Variants in HCLS1 observed in about 807,000 individuals in gnomAD.
HCLS1 encodes hematopoietic lineage cell-specific protein.
Under a neutral mutation model 68.6 loss-of-function variants are expected in HCLS1, and 44 were observed. The ratio of observed to expected loss-of-function variants is 0.64; its 90% CI spans 0.50 to 0.82. HCLS1 has a LOEUF of 0.82. Ranked by LOEUF, HCLS1 falls within the 40% of genes least tolerant of loss-of-function variation. The pLI, the probability that HCLS1 is intolerant of heterozygous loss-of-function variation, is 0.00. For missense variants in HCLS1, 602 were observed against 612.1 expected (o/e 0.98, Z 0.17); for synonymous variants, 217 against 225.8 (o/e 0.96, Z 0.35).
intron 11 of HCLS1, 84 bp downstream of exon 11, chr3:121,632,983 G>T: frequency 2.2e-6 from 2 of 890,118 alleles, no homozygotes; most frequent in Admixed American, 2.2e-5. Flanking sequence ...GGCAAACCAG[G>T]ATGGTTGGCC....
chr3:121,654,346 T>C (rs1428417187), intron 3 of HCLS1: 2 of 152,270 alleles, frequency 1.3e-5, no homozygotes, highest in Non-Finnish European at 2.9e-5. Flanking sequence ...ACTGTGTTTG[T>C]ATTGTCTATG....
intron 1 of HCLS1, 76 bp from the exon 2 acceptor site, chr3:121,658,423 A>C: frequency 9.2e-7 from 1 of 1,092,290 alleles, no homozygotes; most frequent in South Asian, 1.3e-5. Flanking sequence ...TGCTGAAGTC[A>C]AAATATAGCA....
intron 6 of HCLS1, among the ~76,000 whole-genome samples, chr3:121,640,008 A>C (rs2108859903): frequency 6.6e-6 from 1 of 152,310 alleles, no homozygotes; most frequent in East Asian, 1.9e-4. Flanking sequence ...AATAAAATTG[A>C]TAAACTTCTA....
intron 2 of HCLS1, chr3:121,657,937 C>T (rs1576222893): frequency 7.2e-6 from 2 of 278,732 alleles, no homozygotes; most frequent in South Asian, 6.8e-5. Context: ...CTTTTTAATC[C>T]CCCAATTACA....
At chr3:121,637,858 C>T (rs1477620098) in intron 6 of HCLS1, among the ~76,000 whole-genome samples, 1 of 151,632 alleles carries the variant, frequency 6.6e-6, no homozygotes, top group Non-Finnish European at 1.5e-5. Flanking sequence ...GTCACTTGAA[C>T]ATGGGGGGTG....
intron 6 of HCLS1, among the ~76,000 whole-genome samples, chr3:121,639,220 A>G (rs1323157993): frequency 6.6e-6 from 1 of 152,164 alleles, no homozygotes; most frequent in African/African-American, 2.4e-5. Context: ...AACCTAATTG[A>G]CTCTTATACA....
chr3:121,632,942 G>A, intron 11 of HCLS1, 125 bp downstream of exon 11: 1 of 638,720 alleles, frequency 1.6e-6, no homozygotes, highest in Non-Finnish European at 2.8e-6. Flanking sequence ...CAGAAGGCAA[G>A]GTCTTCAGTG....
At chr3:121,655,108 T>C (rs532238663) in intron 3 of HCLS1, among the ~76,000 whole-genome samples, 1 of 152,310 alleles carries the variant, frequency 6.6e-6, no homozygotes, top group African/African-American at 2.4e-5. Flanking sequence ...GTTTATTCTA[T>C]CTGATAGATT....
intron 1 of HCLS1, among the ~76,000 whole-genome samples, chr3:121,658,631 C>T (rs927737807): frequency 3.3e-5 from 5 of 152,132 alleles, no homozygotes; most frequent in African/African-American, 9.7e-5. Context: ...AGGTAACCCA[C>T]GAGTCAAAAT....
At chr3:121,655,374 T>C (rs892460633) in intron 3 of HCLS1, 8 of 151,976 alleles carry the variant, frequency 5.3e-5, no homozygotes, top group Non-Finnish European at 8.8e-5. Context: ...GCATTAGACA[T>C]TGGCTATCCC....
chr3:121,637,814 T>C (rs1022361756), intron 6 of HCLS1, among the ~76,000 whole-genome samples: 10 of 152,110 alleles, frequency 6.6e-5, no homozygotes, highest in Admixed American at 2.0e-4. Flanking sequence ...TGTGCGTCTG[T>C]AGCCCCAGCT....
At chr3:121,633,022 C>A in intron 11 of HCLS1, 45 bp downstream of exon 11, 1 of 1,358,854 alleles carries the variant, frequency 7.4e-7, no homozygotes. Flanking sequence ...TCCTAAGACT[C>A]GAGAAGATGG....
rs192393102 is a variant in HCLS1 at position 121,659,182 on chromosome 3, G to C, written c.1-835C>G. ...AATAAATGTTGCAGAAATATTTAGAGAACCCTAGCTTGGAAGGGTGCCAAA... is the reference window on the plus strand; with the variant it reads ...AATAAATGTTGCAGAAATATTTAGACAACCCTAGCTTGGAAGGGTGCCAAA... On this transcript the variant is annotated intron_variant, in intron 1 of 13. Coordinates refer to ENST00000314583, the MANE Select transcript of HCLS1 (RefSeq NM_005335.6). Among the ~76,000 whole-genome samples the C allele has an allele frequency of 4.6e-5, 7 of 152,300 alleles. No individual in the cohort carries two copies. The East Asian group carries it at 1.3e-3, about 29-fold the overall frequency.
intron 9 of HCLS1, among the ~76,000 whole-genome samples, 174 bp downstream of exon 9, chr3:121,635,561 G>A (rs2049142528): frequency 6.6e-6 from 1 of 152,120 alleles, no homozygotes; most frequent in African/African-American, 2.4e-5. Flanking sequence ...ACAGATGTGA[G>A]CTCCGCCTTA....
In HCLS1 at chr3:121,637,181, T is replaced by C; in HGVS notation, c.530A>G (p.Tyr177Cys). 1 of 1,613,924 alleles carries C rather than the reference T, an allele frequency of 6.2e-7. No homozygotes were observed. The change falls in exon 7 of 14, where the codon TAC (tyrosine) becomes TGC (cysteine). Residue 177 changes from tyrosine to cysteine, a missense_variant. By Grantham distance (194) the Tyr-to-Cys change is radical. Transcript: ENST00000314583. ...CTCGTGTTTCTCCGTCTCTCCCTTG[T>C]AGTCATATCCCAGAGCTGCTTTGTC... ...KWDKAALGYD[Y>C]KGETEKHESQ... is the part of the protein sequence containing the mutation.
At chr3:121,650,716 G>C (rs1187271301) in intron 3 of HCLS1, among the ~76,000 whole-genome samples, 1 of 152,110 alleles carries the variant, frequency 6.6e-6, no homozygotes, top group Non-Finnish European at 1.5e-5. Flanking sequence ...ATCAAAGAAA[G>C]TCTTCACAAC....
chr3:121,645,515 C>T (rs1378014854), intron 4 of HCLS1, among the ~76,000 whole-genome samples: 3 of 152,088 alleles, frequency 2.0e-5, no homozygotes, highest in Non-Finnish European at 1.5e-5. Flanking sequence ...AATACATAAA[C>T]ATTTAAATGC....
Position 121,647,743 on chromosome 3 carries a change from G to C in HCLS1, c.159-295C>G, listed in dbSNP as rs200768827. Among the ~76,000 whole-genome samples, 9 of 152,076 alleles carry C rather than the reference G, an allele frequency of 5.9e-5. No homozygotes were observed. The East Asian group carries it at 1.5e-3, about 26-fold the overall frequency. On this transcript the variant is annotated intron_variant, in intron 3 of 13. Transcript: ENST00000314583. ...TGTTCTTAAATATTAGAGGACAATGGTACCTATATTCTGATAACTGGAAAG... is the reference window on the plus strand; with the variant it reads ...TGTTCTTAAATATTAGAGGACAATGCTACCTATATTCTGATAACTGGAAAG...
At chr3:121,648,197 AAACT>A (rs1248605913) in intron 3 of HCLS1, among the ~76,000 whole-genome samples, 1 of 152,184 alleles carries the variant, frequency 6.6e-6, no homozygotes, top group African/African-American at 2.4e-5. Context: ...GGACTAATGA[AAACT>A]AACTAAGAAA....
Sources: gnomAD v4.1 joint callset for allele counts (sites outside exome capture counted in the v4.1 genomes callset) on GRCh38, gnomAD v4.1.1 for gene constraint, MANE v1.5 for transcripts, NCBI Gene and HGNC (gene_info 2026-07-23, HGNC 2026-07-21) for gene names.